ZNF726: variants seen among roughly 807,000 people sequenced by gnomAD.
ZNF726 encodes the protein zinc finger protein 726, also known as zinc finger protein 92 pseudogene 3.
Under a neutral mutation model 11.6 loss-of-function variants are expected in ZNF726, and 15 were observed. The observed-to-expected ratio is 1.29, with a 90% confidence interval of 0.86 to 1.99. The LOEUF (loss-of-function observed/expected upper bound fraction) is 1.99, where lower values mean the gene tolerates loss of function less well. ZNF726 is among the 30% of genes most tolerant of loss of function. The pLI is 0.00. For missense variants in ZNF726, 890 were observed against 725.6 expected, an observed-to-expected ratio of 1.23 and a Z score of -2.60; for synonymous variants, 295 against 243.6, an observed-to-expected ratio of 1.21 and a Z score of -1.96.
chr19:23,919,395 T>A lies in ZNF726; in HGVS notation c.26T>A (p.Val9Glu), dbSNP rs778865518. 1 of 1,607,322 alleles carries A rather than the reference T, an allele frequency of 6.2e-7. No individual in the cohort carries two copies. The highest frequency in any genetic ancestry group is 2.2e-5 in the East Asian group (1 of 44,702). The change falls in exon 2 of 4, where the codon GTG (valine) becomes GAG (glutamate). Residue 9 changes from valine to glutamate, a missense_variant. Coordinates refer to ENST00000594466, the MANE Select transcript of ZNF726 (RefSeq NM_001244038.2). Reference protein sequence around the residue: MGLLTFRDVAIEFSLEEWQ... With the variant: MGLLTFRDEAIEFSLEEWQ... ...CAGGGACTGTTGACATTTAGGGATGTGGCCATAGAATTCTCTCTGGAGGAG... is the reference window on the plus strand; with the variant it reads ...CAGGGACTGTTGACATTTAGGGATGAGGCCATAGAATTCTCTCTGGAGGAG...
intron 3 of ZNF726, among the ~76,000 whole-genome samples, chr19:23,925,172 G>C (rs183231168): frequency 6.6e-6 from 1 of 151,866 alleles, no homozygotes; most frequent in Non-Finnish European, 1.5e-5. Flanking sequence ...CAAATGTGAC[G>C]ATTTTTTTCA....
chr19:23,942,764 A>G (rs963076042), intron 3 of ZNF726, among the ~76,000 whole-genome samples: 1 of 152,110 alleles, frequency 6.6e-6, no homozygotes, highest in African/African-American at 2.4e-5. Flanking sequence ...GTTTTGTCTG[A>G]TATAAGAATA....
At chr19:23,935,357 T>A (rs773297391), downstream of ZNF726, 1 of 528,724 alleles carries the variant, frequency 1.9e-6, no homozygotes, top group Non-Finnish European at 3.8e-6. Context: ...ATAAGAAAAT[T>A]CATGCTGGAC....
At chr19:23,918,303 T>G (rs781115332) in intron 1 of ZNF726, among the ~76,000 whole-genome samples, 10 of 152,160 alleles carry the variant, frequency 6.6e-5, no homozygotes, top group Non-Finnish European at 1.2e-4. Context: ...CTTACAGTAT[T>G]CAACATCTAT....
chr19:23,915,086 C>G (rs560503664), intron 1 of ZNF726, 89 bp downstream of exon 1: 3 of 1,593,016 alleles, frequency 1.9e-6, no homozygotes, highest in African/African-American at 2.7e-5. Context: ...CAGGCCTCCT[C>G]GCTGTCAGTT....
In ZNF726 at chr19:23,933,415, G is replaced by A. The variant is rs757476015; in HGVS notation, c.1299G>A (p.Ala433=). The A allele has an allele frequency of 1.4e-4, 218 of 1,609,294 alleles. No individual in the cohort carries two copies. Among genetic ancestry groups the A allele is most frequent in the Middle Eastern group, 6.6e-4 (4 of 6,036 alleles). ...ACAAGTGTGAAGAATGCGGCAAAGC[G>A]TTTATATGGTCCTCAAACCTTACTG... ...KPYKCEECGK[A]FIWSSNLTEH... Residue 433 remains alanine (A), a synonymous_variant, in exon 4 of 4, where the codon GCG becomes GCA. Transcript: ENST00000594466.
chr19:23,939,426 A>G (rs1328430022), downstream of ZNF726, among the ~76,000 whole-genome samples: 1 of 152,134 alleles, frequency 6.6e-6, no homozygotes, highest in African/African-American at 2.4e-5. Context: ...TGCTGGAAAT[A>G]TGGATGTTCA....
downstream of ZNF726, chr19:23,935,456 A>G (rs1253087629): frequency 1.9e-6 from 1 of 512,838 alleles, no homozygotes; most frequent in South Asian, 1.4e-5. Flanking sequence ...TTGGAGAGAA[A>G]TCTTACAAGT....
chr19:23,934,092 C>A lies in ZNF726; in HGVS notation c.*125C>A. 1.6e-6 allele frequency: 2 copies of A among 1,235,320 alleles called. No homozygotes were observed. The highest frequency in any genetic ancestry group is 2.4e-6 in the Non-Finnish European group (2 of 848,606). The allele number at this position is 1,235,320 out of a possible 1,614,324, so 76.5% of individuals were successfully genotyped here. On this transcript the variant is annotated 3_prime_UTR_variant, in exon 4 of 4. Coordinates refer to ENST00000594466, the MANE Select transcript of ZNF726 (RefSeq NM_001244038.2). ...GAAGAATGTGAAAAAGCTTTTAATCCTCAAATCTTACTAAACATTAGATAA... is the reference window on the plus strand; with the variant it reads ...GAAGAATGTGAAAAAGCTTTTAATCATCAAATCTTACTAAACATTAGATAA...
chr19:23,919,878 G>T, intron 2 of ZNF726, 109 bp from the exon 3 acceptor site: 2 of 602,122 alleles, frequency 3.3e-6, no homozygotes, highest in Non-Finnish European at 2.5e-6. Context: ...TTAGTATATG[G>T]GATAAATTTA....
Position 23,915,008 on chromosome 19 carries a change from C to T in ZNF726, c.3+11C>T. On this transcript the variant is annotated intron_variant, in intron 1 of 3. Coordinates refer to ENST00000594466, the MANE Select transcript of ZNF726 (RefSeq NM_001244038.2). ...GGAAGCCTAGAAATGGTGAGAGTGC[C>T]GGGTGCGACATCCCAAGAGAGGGAA... is the stretch of plus-strand genomic sequence containing the variant. 1 of 1,613,718 alleles carries T rather than the reference C, an allele frequency of 6.2e-7. No individual in the cohort carries two copies. The highest frequency in any genetic ancestry group is 8.5e-7 in the Non-Finnish European group (1 of 1,179,988).
Position 23,934,253 on chromosome 19 carries a change from T to C in ZNF726, c.*286T>C, listed in dbSNP as rs1035117137. ...GTGAAAAATGTGGCAAAGCATATGGTCCACACCCCTAAGTAGACATAAGAG... is the reference window on the plus strand; with the variant it reads ...GTGAAAAATGTGGCAAAGCATATGGCCCACACCCCTAAGTAGACATAAGAG... On this transcript the variant is annotated 3_prime_UTR_variant, in exon 4 of 4. Transcript: ENST00000594466. 1 of 671,344 alleles carries C rather than the reference T, an allele frequency of 1.5e-6. No homozygotes were observed. Among genetic ancestry groups the C allele is most frequent in the Non-Finnish European group, 2.8e-6 (1 of 355,580 alleles). 41.6% of individuals were successfully genotyped at this position (671,344 alleles called of 1,614,324 possible).
chr19:23,923,444 C>T (rs964639634), intron 3 of ZNF726: 1 of 370,924 alleles, frequency 2.7e-6, no homozygotes, highest in South Asian at 1.9e-5. Context: ...TGGAGTCTCG[C>T]TCTGTCACCC....
At chr19:23,923,986 TTATATC>T (rs1220212626) in intron 3 of ZNF726, 1 of 152,104 alleles carries the variant, frequency 6.6e-6, no homozygotes, top group African/African-American at 2.4e-5. Context: ...GTGTGTGTGT[TTATATC>T]TATAAATATG....
chr19:23,936,440 T>C (rs1167160339), downstream of ZNF726, among the ~76,000 whole-genome samples: 1 of 152,304 alleles, frequency 6.6e-6, no homozygotes. Flanking sequence ...GGAGTTAAAC[T>C]CTTAAATTAC....
In ZNF726 at chr19:23,914,916, C is replaced by A. The variant is rs1010361471; in HGVS notation, c.-79C>A. 2.5e-6 allele frequency: 4 copies of A among 1,601,210 alleles called. No individual in the cohort carries two copies. Among genetic ancestry groups the A allele is most frequent in the Non-Finnish European group, 3.4e-6 (4 of 1,172,948 alleles). ...TATCTGCGGCCGGAGCTCCAGGTCT[C>A]GTCCTCACTACTCTGTGTCTTCTGC... is the stretch of plus-strand genomic sequence containing the variant. On this transcript the variant is annotated 5_prime_UTR_variant, in exon 1 of 4. Coordinates refer to ENST00000594466, the MANE Select transcript of ZNF726 (RefSeq NM_001244038.2).
chr19:23,942,890 T>C (rs988738557), intron 3 of ZNF726, among the ~76,000 whole-genome samples: 2 of 152,234 alleles, frequency 1.3e-5, no homozygotes, highest in Non-Finnish European at 2.9e-5. Flanking sequence ...TGGTGAGTTC[T>C]TGTCCATTCT....
downstream of ZNF726, among the ~76,000 whole-genome samples, chr19:23,937,256 A>T (rs9676453): frequency 6.9e-6 from 1 of 144,888 alleles, no homozygotes; most frequent in Non-Finnish European, 1.5e-5. Flanking sequence ...CCTCCCTCCC[A>T]GCCGGGGCGG....
rs771607716 is a variant in ZNF726 at position 23,934,352 on chromosome 19, G to C, written c.*385G>C. The C allele has an allele frequency of 7.4e-6, 4 of 538,256 alleles. No homozygotes were observed. The highest frequency in any genetic ancestry group is 5.7e-5 in the African/African-American group (3 of 52,190). 33.3% of individuals were successfully genotyped at this position (538,256 alleles called of 1,614,324 possible). The stretch of plus-strand genomic sequence containing the variant: ...CTTTAAATGTTCCTCAACTGTTACT[G>C]AACATAAAGTAATTCATACTGAAGA... On this transcript the variant is annotated 3_prime_UTR_variant, in exon 4 of 4. Transcript: ENST00000594466.
Sources: allele counts gnomAD v4.1 joint callset (sites outside exome capture counted in the v4.1 genomes callset), GRCh38; gene constraint gnomAD v4.1.1; transcripts MANE v1.5; gene names NCBI Gene and HGNC (gene_info 2026-07-23, HGNC 2026-07-21).